The following SLC9A5 variants were observed in gnomAD, a reference collection of about 807,000 sequenced individuals.
The protein encoded by SLC9A5 is solute carrier family 9 member A5.
In SLC9A5, 52 loss-of-function variants were observed where a neutral mutation model predicts 91.7. That is an observed-to-expected ratio of 0.57 (90% CI 0.45 to 0.71). The LOEUF is 0.71. SLC9A5 is among the 30% of genes least tolerant of loss of function. The probability of loss-of-function intolerance (pLI) is 0.00; values close to 1 mark genes in which losing one functional copy is unlikely to be tolerated. For missense variants in SLC9A5, 871 were observed against 1,158.9 expected (o/e 0.75, Z 3.61); for synonymous variants, 419 against 474.5 (o/e 0.88, Z 1.52).
rs747876411 is a variant in SLC9A5 at position 67,257,522 on chromosome 16, C to A, written c.1426-9C>A. The A allele has an allele frequency of 1.2e-6, 2 of 1,614,170 alleles. No individual in the cohort carries two copies. Among genetic ancestry groups the A allele is most frequent in the Admixed American group, 1.7e-5 (1 of 60,012 alleles). ...CCTGATCCAGTCCCCCTACCCACCC[C>A]CCTTCTAGACTTTTGACCACATTCT... On this transcript the variant is annotated splice_polypyrimidine_tract_variant and intron_variant, in intron 8 of 15. Transcript: ENST00000299798. This position sits in a 1 kb window ranked among gnomAD's most constrained non-coding sequence, Gnocchi z 5.1.
chr16:67,255,658 T>A lies in SLC9A5; in HGVS notation c.734-95T>A. ...GGGTTTTGAGCCCCTGGGAGTGCGG[T>A]GGGCATCATCCCTCACTCCCTGCCA... is the stretch of plus-strand genomic sequence containing the variant. On this transcript the variant is annotated intron_variant, in intron 4 of 15. Transcript: ENST00000299798. This position sits in a 1 kb window ranked among gnomAD's most constrained non-coding sequence, Gnocchi z 4.9. 7.3e-7 allele frequency: 1 copy of A among 1,376,666 alleles called. No homozygotes were observed. The highest frequency in any genetic ancestry group is 1.0e-6 in the Non-Finnish European group (1 of 999,654). 85.3% of individuals were successfully genotyped at this position (1,376,666 alleles called of 1,614,324 possible). A position where few individuals can be genotyped will look rare whatever the true frequency, so the allele number is the denominator to read the frequency against.
rs914069988 is a variant in SLC9A5, at chr16:67,259,901, G to A, written c.1797G>A (p.Val599=). ...GCGGCCGGGATCGTGAGGATGCTGT[G>A]ATGCATCATCTGCTCTGCGGAGGCC... is the stretch of plus-strand genomic sequence containing the variant. ...VRSGRDREDA[V]MHHLLCGGLY... Residue 599 remains valine (V), a synonymous_variant, in exon 12 of 16, where the codon GTG becomes GTA. Transcript: ENST00000299798. 6.2e-7 allele frequency: 1 copy of A among 1,613,974 alleles called. No homozygotes were observed. The highest frequency in any genetic ancestry group is 1.3e-5 in the African/African-American group (1 of 74,906).
chr16:67,255,667 T>A lies in SLC9A5; in HGVS notation c.734-86T>A. The A allele has an allele frequency of 7.1e-7, 1 of 1,416,720 alleles. No individual in the cohort carries two copies. Among genetic ancestry groups the A allele is most frequent in the Non-Finnish European group, 9.6e-7 (1 of 1,037,794 alleles). 87.8% of individuals were successfully genotyped at this position (1,416,720 alleles called of 1,614,324 possible). On this transcript the variant is annotated intron_variant, in intron 4 of 15. Transcript: ENST00000299798. The surrounding 1 kb of genome is among the most constrained non-coding windows in gnomAD (Gnocchi z 4.9). ...GCCCCTGGGAGTGCGGTGGGCATCA[T>A]CCCTCACTCCCTGCCAGGCAGCAGT...
chr16:67,268,852 G>A (rs1412601920), intron 15 of SLC9A5, among the ~76,000 whole-genome samples: 2 of 150,714 alleles, frequency 1.3e-5, no homozygotes, highest in Non-Finnish European at 3.0e-5. Context: ...TGGGGAGGAT[G>A]GCCTTGGATG....
chr16:67,259,313 G>A (rs1297388304), intron 10 of SLC9A5, among the ~76,000 whole-genome samples: 3 of 135,584 alleles, frequency 2.2e-5, no homozygotes, highest in East Asian at 2.1e-4. Flanking sequence ...GCAATGAGCC[G>A]AGATCGTGTC....
chr16:67,256,827 C>T lies in SLC9A5; in HGVS notation c.1133-84C>T, dbSNP rs565757002. 3 of 1,456,542 alleles carry T rather than the reference C, an allele frequency of 2.1e-6. No individual in the cohort carries two copies. The East Asian group carries it at 6.8e-5, about 33-fold the overall frequency. The allele number at this position is 1,456,542 out of a possible 1,614,324, so 90.2% of individuals were successfully genotyped here. On this transcript the variant is annotated intron_variant, in intron 6 of 15. Transcript: ENST00000299798. The surrounding 1 kb of genome is among the most constrained non-coding windows in gnomAD (Gnocchi z 4.1). ...CTCACCTGTCCCAGCCCCTGTTAGA[C>T]CTCAGCCCAGATACTTGGTCCCATC...
rs368076123 is a variant in SLC9A5 at position 67,271,019 on chromosome 16, G to A, written c.2500G>A (p.Asp834Asn). The A allele has an allele frequency of 5.6e-5, 90 of 1,613,520 alleles. No individual in the cohort carries two copies. The highest frequency in any genetic ancestry group is 6.8e-5 in the Non-Finnish European group (80 of 1,179,694). ...EPQVPLHLPSDPRSSFAFPPS... is the reference protein window; with the variant it reads ...EPQVPLHLPSNPRSSFAFPPS... ...CCAGGTCCCTCTCCACCTACCTTCT[G>A]ATCCACGCTCTAGCTTCGCCTTCCC... Residue 834 changes from aspartate (D) to asparagine (N), a missense_variant, in exon 16 of 16, where the codon GAT becomes AAT. This residue lies in a region of SLC9A5 where 295 missense variants were observed against 326.0 expected (regional missense o/e 0.90). Coordinates refer to ENST00000299798, the MANE Select transcript of SLC9A5 (RefSeq NM_004594.3).
rs2035280470 is a variant in SLC9A5 at position 67,255,503 on chromosome 16, G to T, written c.733+32G>T. 4.4e-6 allele frequency: 7 copies of T among 1,607,444 alleles called. No homozygotes were observed. Among genetic ancestry groups the T allele is most frequent in the Non-Finnish European group, 6.0e-6 (7 of 1,174,134 alleles). On this transcript the variant is annotated intron_variant, in intron 4 of 15. Coordinates refer to ENST00000299798, the MANE Select transcript of SLC9A5 (RefSeq NM_004594.3). The surrounding 1 kb of genome is among the most constrained non-coding windows in gnomAD (Gnocchi z 4.9). ...ATTTCCCCGCTCCCAGCTGGCATTG[G>T]AGGTCTGCCTCCCCTGGGTTGCTGA...
In SLC9A5 at chr16:67,271,252, G is replaced by C; in HGVS notation, c.*42G>C. Reference sequence around the variant, plus strand: ...GGAGCAGGAGGTGGAATCCCTGTGGGAAGTGCTCCCTGGGTGATGGGTAGA... The same window carrying C: ...GGAGCAGGAGGTGGAATCCCTGTGGCAAGTGCTCCCTGGGTGATGGGTAGA... On this transcript the variant is annotated 3_prime_UTR_variant, in exon 16 of 16. Transcript: ENST00000299798. 6.5e-7 allele frequency: 1 copy of C among 1,536,182 alleles called. No individual in the cohort carries two copies. Among genetic ancestry groups the C allele is most frequent in the Non-Finnish European group, 8.9e-7 (1 of 1,129,410 alleles).
chr16:67,268,336 T>C (rs2035785489), intron 15 of SLC9A5, among the ~76,000 whole-genome samples: 1 of 150,658 alleles, frequency 6.6e-6, no homozygotes, highest in Non-Finnish European at 1.5e-5. Flanking sequence ...TTTTTTTTTT[T>C]TTTTTTTTGA....
chr16:67,256,012 C>G lies in SLC9A5; in HGVS notation c.911+82C>G, dbSNP rs1387979260. The G allele has an allele frequency of 7.0e-7, 1 of 1,438,528 alleles. No individual in the cohort carries two copies. Among genetic ancestry groups the G allele is most frequent in the Middle Eastern group, 2.4e-4 (1 of 4,226 alleles). 89.1% of individuals were successfully genotyped at this position (1,438,528 alleles called of 1,614,324 possible). A position where few individuals can be genotyped will look rare whatever the true frequency, so the allele number is the denominator to read the frequency against. ...CCCCTCATAGGGACACAGGCAGGAA[C>G]TTCAGGAGTCCATAGGTTTCCCTGA... On this transcript the variant is annotated intron_variant, in intron 5 of 15. Coordinates refer to ENST00000299798, the MANE Select transcript of SLC9A5 (RefSeq NM_004594.3). This position sits in a 1 kb window ranked among gnomAD's most constrained non-coding sequence, Gnocchi z 4.1.
chr16:67,268,691 TATATATATATATATATA>T (rs1471886268), intron 15 of SLC9A5, among the ~76,000 whole-genome samples: 13 of 80,820 alleles, frequency 1.6e-4, no homozygotes, highest in African/African-American at 9.4e-4. Context: ...TATATATATA[TATATATATATATATATA>T]TATTTTTACA....
Position 67,270,825 on chromosome 16 carries a change from G to T in SLC9A5, c.2306G>T (p.Gly769Val). Residue 769 changes from glycine (G) to valine (V), a missense_variant, in exon 16 of 16, where the codon GGG becomes GTG. Coordinates refer to ENST00000299798, the MANE Select transcript of SLC9A5 (RefSeq NM_004594.3). This position sits in a 1 kb window ranked among gnomAD's most constrained non-coding sequence, Gnocchi z 4.3. The part of the protein sequence containing the change: ...EKELPWKSGQ[G>V]DLAVYVSSET... The stretch of plus-strand genomic sequence containing the variant: ...GAGCTCCCCTGGAAGAGTGGGCAGG[G>T]GGACCTGGCAGTGTACGTGTCCTCG... 1 of 1,614,132 alleles carries T rather than the reference G, an allele frequency of 6.2e-7. No individual in the cohort carries two copies. Among genetic ancestry groups the T allele is most frequent in the Non-Finnish European group, 8.5e-7 (1 of 1,180,004 alleles).
rs901248090 is a variant in SLC9A5, at chr16:67,256,855, G to C, written c.1133-56G>C. 6.4e-7 allele frequency: 1 copy of C among 1,565,104 alleles called. No individual in the cohort carries two copies. The highest frequency in any genetic ancestry group is 1.4e-5 in the African/African-American group (1 of 73,982). On this transcript the variant is annotated intron_variant, in intron 6 of 15. Transcript: ENST00000299798. This position sits in a 1 kb window ranked among gnomAD's most constrained non-coding sequence, Gnocchi z 4.1. Reference sequence around the variant, plus strand: ...CAGCCCAGATACTTGGTCCCATCCGGTCCCACGTCCTCCACTCCCAACGCT... The same window carrying C: ...CAGCCCAGATACTTGGTCCCATCCGCTCCCACGTCCTCCACTCCCAACGCT...
At chr16:67,266,258 G>A (rs1407866841) in intron 15 of SLC9A5, 33 bp downstream of exon 15, 1 of 1,554,322 alleles carries the variant, frequency 6.4e-7, no homozygotes. Context: ...CCTCCCCTCT[G>A]GAGCAAGCTG....
At chr16:67,268,680 A>ATATT (rs2035810459) in intron 15 of SLC9A5, among the ~76,000 whole-genome samples, 1 of 58,020 alleles carries the variant, frequency 1.7e-5, no homozygotes, top group Non-Finnish European at 3.2e-5. Context: ...ATATATATAT[A>ATATT]TATATATATA....
intron 2 of SLC9A5, 118 bp from the exon 3 acceptor site, chr16:67,254,903 C>A (rs774565606): frequency 1.7e-5 from 16 of 953,912 alleles, no homozygotes; most frequent in African/African-American, 4.9e-5. Context: ...ATCCCAAGTC[C>A]TCTTTGGGCT....
chr16:67,271,261 C>T lies in SLC9A5; in HGVS notation c.*51C>T. 1 of 1,487,220 alleles carries T rather than the reference C, an allele frequency of 6.7e-7. No individual in the cohort carries two copies. The highest frequency in any genetic ancestry group is 9.2e-7 in the Non-Finnish European group (1 of 1,089,916). 92.1% of individuals were successfully genotyped at this position (1,487,220 alleles called of 1,614,324 possible). ...GGTGGAATCCCTGTGGGAAGTGCTC[C>T]CTGGGTGATGGGTAGAGCCCTCGAA... is the stretch of plus-strand genomic sequence containing the variant. On this transcript the variant is annotated 3_prime_UTR_variant, in exon 16 of 16. Transcript: ENST00000299798.
chr16:67,257,362 A>G lies in SLC9A5; in HGVS notation c.1353A>G (p.Pro451=). ...TVIVQGLTIK[P]LVKWLKVKRS... is the part of the protein sequence containing the mutation. ...GTCCATAGGGCTTGACCATCAAGCC[A>G]CTGGTCAAATGGCTGAAGGTGAAGA... Residue 451 remains proline (P), a synonymous_variant, in exon 8 of 16, where the codon CCA becomes CCG. Coordinates refer to ENST00000299798, the MANE Select transcript of SLC9A5 (RefSeq NM_004594.3). This position sits in a 1 kb window ranked among gnomAD's most constrained non-coding sequence, Gnocchi z 5.1. 1 of 1,614,084 alleles carries G rather than the reference A, an allele frequency of 6.2e-7. No homozygotes were observed. Among genetic ancestry groups the G allele is most frequent in the Non-Finnish European group, 8.5e-7 (1 of 1,179,914 alleles).
Sources: gnomAD v4.1 joint callset for allele counts (sites outside exome capture counted in the v4.1 genomes callset) on GRCh38, gnomAD v4.1.1 for gene constraint, gnomAD v4.1.1 regional missense constraint, Gnocchi (gnomAD v3.1) non-coding constraint, MANE v1.5 for transcripts, NCBI Gene and HGNC (gene_info 2026-07-23, HGNC 2026-07-21) for gene names.